TRPM3: variants seen among roughly 807,000 people sequenced by gnomAD.
TRPM3 encodes the protein transient receptor potential cation channel subfamily M member 3.
In TRPM3, 77 loss-of-function variants were observed where a neutral mutation model predicts 181.2. The observed-to-expected ratio is 0.42, with a 90% CI of 0.35 to 0.51. TRPM3 has a LOEUF of 0.51. TRPM3 is among the 20% of genes least tolerant of loss of function. TRPM3 has a pLI of 0.01. For missense variants in TRPM3, 1,759 were observed against 2,196.7 expected (o/e 0.80, Z 3.98); for synonymous variants, 745 against 796.4 (o/e 0.94, Z 1.09).
At chr9:71,082,670 A>G (rs751531371) in intron 1 of TRPM3, among the ~76,000 whole-genome samples, 1 of 152,148 alleles carries the variant, frequency 6.6e-6, no homozygotes, top group Non-Finnish European at 1.5e-5. Flanking sequence ...TTAGTGGACT[A>G]AATTATCTCA....
intron 1 of TRPM3, among the ~76,000 whole-genome samples, chr9:71,064,625 C>T (rs2061694425): frequency 6.6e-6 from 1 of 151,958 alleles, no homozygotes; most frequent in Non-Finnish European, 1.5e-5. Context: ...GACATGAATG[C>T]ATGAATTATA....
At chr9:71,335,033 CT>C (rs1266392587) in intron 1 of TRPM3, among the ~76,000 whole-genome samples, 4 of 152,048 alleles carry the variant, frequency 2.6e-5, no homozygotes, top group Non-Finnish European at 5.9e-5. Flanking sequence ...CACCACTTAG[CT>C]TTTAAATGCC....
chr9:71,238,075 T>C (rs1200050229), intron 1 of TRPM3, among the ~76,000 whole-genome samples: 1 of 152,222 alleles, frequency 6.6e-6, no homozygotes, highest in Admixed American at 6.5e-5. Context: ...AATGAAGAAT[T>C]GGCTGAAATT....
chr9:71,048,214 CCTACACAGCCAAGA>C (rs1405916100), intron 1 of TRPM3, among the ~76,000 whole-genome samples: 2 of 152,144 alleles, frequency 1.3e-5, no homozygotes, highest in Non-Finnish European at 2.9e-5. Flanking sequence ...CATTCCATCC[CCTACACAGCCAAGA>C]CTGGTGTCCT....
intron 8 of TRPM3, among the ~76,000 whole-genome samples, chr9:70,740,701 G>A (rs1253020559): frequency 6.6e-6 from 1 of 152,002 alleles, no homozygotes; most frequent in Non-Finnish European, 1.5e-5. Flanking sequence ...GCAAACAAAA[G>A]CATAAAATGG....
At chr9:71,287,843 A>G (rs1257958504) in intron 1 of TRPM3, among the ~76,000 whole-genome samples, 3 of 152,138 alleles carry the variant, frequency 2.0e-5, no homozygotes, top group Non-Finnish European at 2.9e-5. Flanking sequence ...ATACGCAGTA[A>G]CAGCTGGAAT....
At chr9:71,314,432 T>C (rs937068531) in intron 1 of TRPM3, among the ~76,000 whole-genome samples, 14 of 152,312 alleles carry the variant, frequency 9.2e-5, no homozygotes, top group African/African-American at 3.4e-4. Flanking sequence ...ATAGTCAACA[T>C]TATTGAAAAG....
chr9:71,391,144 AAAAGG>A (rs1303015206), intron 1 of TRPM3, among the ~76,000 whole-genome samples: 5 of 152,000 alleles, frequency 3.3e-5, no homozygotes, highest in African/African-American at 2.4e-5. Flanking sequence ...CCTGAACAAA[AAAAGG>A]AAAGGAAACT....
chr9:71,236,508 A>G (rs2081358459), intron 1 of TRPM3, among the ~76,000 whole-genome samples: 1 of 152,196 alleles, frequency 6.6e-6, no homozygotes. Context: ...ATTTCACTTA[A>G]TAGGAATCAA....
intron 8 of TRPM3, among the ~76,000 whole-genome samples, chr9:70,685,778 T>C (rs1203213455): frequency 6.6e-6 from 1 of 152,160 alleles, no homozygotes; most frequent in Admixed American, 6.5e-5. Flanking sequence ...TTTTGCTTCC[T>C]TAGGTGTTCT....
rs1342959839 is a variant in TRPM3, at chr9:70,535,939, G to T, written c.*14C>A. 1 of 1,558,152 alleles carries T rather than the reference G, an allele frequency of 6.4e-7. No individual in the cohort carries two copies. Among genetic ancestry groups the T allele is most frequent in the Non-Finnish European group, 8.7e-7 (1 of 1,155,098 alleles). The stretch of plus-strand genomic sequence containing the variant: ...CTGGATTCTTGAGCCTTCTGTGGCG[G>T]ATATTAAGAAGGTTTAGTTGTGCTT... On this transcript the variant is annotated 3_prime_UTR_variant, in exon 26 of 26. Coordinates refer to ENST00000677713, the MANE Select transcript of TRPM3 (RefSeq NM_001366145.2).
chr9:71,402,164 C>T (rs2093352769), intron 1 of TRPM3, among the ~76,000 whole-genome samples: 1 of 152,186 alleles, frequency 6.6e-6, no homozygotes, highest in African/African-American at 2.4e-5. Context: ...TTGCTGCTTA[C>T]TTTTGCCAAA....
At chr9:71,332,533 A>G (rs2090280325) in intron 1 of TRPM3, among the ~76,000 whole-genome samples, 1 of 151,562 alleles carries the variant, frequency 6.6e-6, no homozygotes, top group South Asian at 2.1e-4. Context: ...AAAGCCAGTC[A>G]TAAGAATGCA....
At chr9:71,436,806 G>A (rs896388924) in intron 1 of TRPM3, among the ~76,000 whole-genome samples, 23 of 152,126 alleles carry the variant, frequency 1.5e-4, no homozygotes, top group African/African-American at 4.8e-4. Context: ...TCATACTTCC[G>A]TACTACAGAA....
intron 1 of TRPM3, among the ~76,000 whole-genome samples, chr9:71,272,103 G>A (rs898926666): frequency 5.3e-5 from 8 of 152,186 alleles, no homozygotes; most frequent in East Asian, 3.9e-4. Flanking sequence ...AATAAACCCC[G>A]CAGGTAGTAA....
At position 71,084,538 on chromosome 9, in the gene TRPM3, C is replaced by T. The variant is rs560738; in HGVS notation, c.177+36640G>A. On this transcript the variant is annotated intron_variant, in intron 1 of 25. Coordinates refer to ENST00000677713, the MANE Select transcript of TRPM3 (RefSeq NM_001366145.2). ...CTCATGTACAATAGCCACACACACACAAAAATACCTAGAACTACATCTAAC... is the reference window on the plus strand; with the variant it reads ...CTCATGTACAATAGCCACACACACATAAAAATACCTAGAACTACATCTAAC... Among the ~76,000 whole-genome samples the T allele has an allele frequency of 2.0e-5, 3 of 151,852 alleles. No individual in the cohort carries two copies. The South Asian group carries it at 6.2e-4, about 31-fold the overall frequency.
intron 1 of TRPM3, among the ~76,000 whole-genome samples, chr9:71,216,978 T>G (rs1463173850): frequency 1.7e-5 from 2 of 117,926 alleles, no homozygotes; most frequent in Non-Finnish European, 3.3e-5. Flanking sequence ...TGAGACGGAG[T>G]CTCGCTCTGT....
At chr9:70,540,060 A>G (rs537807098) in intron 25 of TRPM3, among the ~76,000 whole-genome samples, 210 of 151,884 alleles carry the variant, frequency 1.4e-3, no homozygotes, top group Middle Eastern at 6.8e-3. Context: ...CTGGTCTTGA[A>G]CTCTTGGGCT....
intron 1 of TRPM3, among the ~76,000 whole-genome samples, chr9:70,990,420 G>A (rs1693726301): frequency 6.6e-6 from 1 of 152,124 alleles, no homozygotes; most frequent in South Asian, 2.1e-4. Context: ...ATAAGTCACG[G>A]TAAAACAAAC....
Sources: allele counts gnomAD v4.1 joint callset (sites outside exome capture counted in the v4.1 genomes callset), GRCh38; gene constraint gnomAD v4.1.1; transcripts MANE v1.5; gene names NCBI Gene and HGNC (gene_info 2026-07-23, HGNC 2026-07-21).